Variants in POTEH observed in about 807,000 individuals in gnomAD.
The protein encoded by POTEH is ANKRD26-like family C member 3.
POTEH carries 6 observed loss-of-function variants against 41.7 expected under a neutral mutation model. That is an observed-to-expected ratio of 0.14 (90% CI 0.08 to 0.28). The LOEUF (loss-of-function observed/expected upper bound fraction) is 0.28. POTEH is among the 10% of genes least tolerant of loss of function. The pLI is 1.00. For synonymous variants in POTEH, 38 were observed against 179.9 expected, an observed-to-expected ratio of 0.21 and a Z score of 6.31; for missense variants, 115 against 533.5, an observed-to-expected ratio of 0.22 and a Z score of 7.73.
intron 1 of POTEH, among the ~76,000 whole-genome samples, chr22:15,692,300 T>C (rs1190760658): frequency 6.9e-6 from 1 of 145,710 alleles, no homozygotes; most frequent in Admixed American, 7.1e-5. Flanking sequence ...CCACCATGCC[T>C]GGCCTATATA....
chr22:15,697,380 TCTCA>T (rs1345055970), intron 3 of POTEH: 1 of 152,114 alleles, frequency 6.6e-6, no homozygotes, highest in East Asian at 3.4e-4. Context: ...TTAGATTGAG[TCTCA>T]CTCTGTTTCC....
Position 15,690,788 on chromosome 22 carries a change from G to A in POTEH, c.632+79G>A, listed in dbSNP as rs774356201. 8.8e-5 allele frequency: 122 copies of A among 1,385,918 alleles called. 5 individuals are homozygous for A. Among genetic ancestry groups the A allele is most frequent in the Non-Finnish European group, 1.2e-4 (119 of 1,001,450 alleles). The allele number at this position is 1,385,918 out of a possible 1,614,324, so 85.9% of individuals were successfully genotyped here. On this transcript the variant is annotated intron_variant, in intron 1 of 10. Coordinates refer to ENST00000343518, the MANE Select transcript of POTEH (RefSeq NM_001136213.1). The stretch of plus-strand genomic sequence containing the variant: ...ACCCTCCTGGCCGGGGAGGAGGGGA[G>A]CCTGGTTTTCTTGCCTCCACAGGCC...
At chr22:15,713,895 C>T (rs1811356980) in intron 9 of POTEH, among the ~76,000 whole-genome samples, 1 of 152,096 alleles carries the variant, frequency 6.6e-6, no homozygotes, top group African/African-American at 2.4e-5. Context: ...CTGTATCAGC[C>T]TGGCTACTTG....
intron 1 of POTEH, among the ~76,000 whole-genome samples, chr22:15,691,925 A>C (rs1989323490): frequency 6.8e-6 from 1 of 147,600 alleles, no homozygotes; most frequent in Admixed American, 7.0e-5. Context: ...AAAATTTTAA[A>C]TATACAAAAA....
intron 1 of POTEH, among the ~76,000 whole-genome samples, chr22:15,691,465 G>T (rs533284124): frequency 2.5e-5 from 3 of 120,762 alleles, no homozygotes; most frequent in Non-Finnish European, 5.5e-5. Flanking sequence ...GGCGGAGCTT[G>T]CAGTGAGCCG....
chr22:15,714,150 C>T (rs1454069855), intron 9 of POTEH, among the ~76,000 whole-genome samples: 70 of 150,144 alleles, frequency 4.7e-4, no homozygotes, highest in African/African-American at 1.5e-3. Flanking sequence ...CAGTAAATCT[C>T]GTCAGGTCTA....
chr22:15,691,985 C>A (rs201240366), intron 1 of POTEH, among the ~76,000 whole-genome samples: 1 of 124,432 alleles, frequency 8.0e-6, no homozygotes, highest in Non-Finnish European at 1.8e-5. Flanking sequence ...TATGCAGATA[C>A]ATATATATAT....
chr22:15,703,577 T>C (rs1180910690), intron 6 of POTEH, among the ~76,000 whole-genome samples: 1 of 140,288 alleles, frequency 7.1e-6, no homozygotes, highest in Non-Finnish European at 1.5e-5. Flanking sequence ...CAAAAGAGTG[T>C]CATAATAAAT....
chr22:15,708,513 CAAAA>C (rs1165699401), intron 7 of POTEH, among the ~76,000 whole-genome samples: 29 of 7,104 alleles, frequency 4.1e-3, no homozygotes, highest in African/African-American at 6.5e-3. Context: ...GACTCTGTGT[CAAAA>C]AAAAAAAAAA....
intron 9 of POTEH, among the ~76,000 whole-genome samples, chr22:15,714,661 T>C (rs1487399262): frequency 1.3e-5 from 2 of 150,570 alleles, no homozygotes; most frequent in South Asian, 2.1e-4. Context: ...AGAAAAAGGG[T>C]AAAAAGAAAC....
intron 1 of POTEH, among the ~76,000 whole-genome samples, chr22:15,691,944 T>G (rs1201066829): frequency 6.8e-6 from 1 of 146,066 alleles, no homozygotes; most frequent in African/African-American, 2.5e-5. Context: ...AAGAGAAACA[T>G]ACCAGAAGAA....
chr22:15,690,068 T>A lies in POTEH; in HGVS notation c.-10T>A. ...GGCTACTACCGGCCTTCCCTGGCTG[T>A]TAAAAGCAGATGGTGGCTGAGGCTG... On this transcript the variant is annotated 5_prime_UTR_variant, in exon 1 of 11. Coordinates refer to ENST00000343518, the MANE Select transcript of POTEH (RefSeq NM_001136213.1). The A allele has an allele frequency of 7.2e-7, 1 of 1,398,358 alleles. No individual in the cohort carries two copies. The highest frequency in any genetic ancestry group is 9.9e-7 in the Non-Finnish European group (1 of 1,008,202). 86.6% of individuals were successfully genotyped at this position (1,398,358 alleles called of 1,614,324 possible).
At chr22:15,698,056 G>GTT in intron 3 of POTEH, among the ~76,000 whole-genome samples, 1 of 150,052 alleles carries the variant, frequency 6.7e-6, no homozygotes, top group Non-Finnish European at 1.5e-5. Context: ...TAAGAATGCA[G>GTT]ATAGGAATTC....
At chr22:15,713,990 T>C (rs1181631467) in intron 9 of POTEH, among the ~76,000 whole-genome samples, 13 of 152,138 alleles carry the variant, frequency 8.5e-5, no homozygotes, top group South Asian at 2.1e-4. Flanking sequence ...AGATCCAAAA[T>C]TGGGCTACTG....
chr22:15,703,581 A>C (rs943352058), intron 6 of POTEH, among the ~76,000 whole-genome samples: 11 of 141,590 alleles, frequency 7.8e-5, no homozygotes, highest in Admixed American at 7.7e-4. Flanking sequence ...AGAGTGTCAT[A>C]ATAAATATGC....
chr22:15,702,144 T>C (rs1838995543), intron 5 of POTEH, among the ~76,000 whole-genome samples: 1 of 148,750 alleles, frequency 6.7e-6, no homozygotes, highest in African/African-American at 2.5e-5. Flanking sequence ...AACTACAACA[T>C]TTGCATATTA....
intron 3 of POTEH, among the ~76,000 whole-genome samples, chr22:15,696,810 C>T (rs1196377078): frequency 1.5e-5 from 2 of 132,524 alleles, no homozygotes; most frequent in Admixed American, 7.9e-5. Context: ...GGTCTCTCTC[C>T]TACTCTTTAC....
rs1989256429 is a variant in POTEH, at chr22:15,690,145, A to G, written c.68A>G (p.Lys23Arg). The G allele has an allele frequency of 7.1e-7, 1 of 1,400,538 alleles. No individual in the cohort carries two copies. The highest frequency in any genetic ancestry group is 1.2e-5 in the South Asian group (1 of 85,468). The allele number at this position is 1,400,538 out of a possible 1,614,324, so 86.8% of individuals were successfully genotyped here. ...AAGAAGCCATTTGGTCTCAGAAGCA[A>G]GATGGGCAAGTGGTGCCGCCACTGC... is the stretch of plus-strand genomic sequence containing the variant. ...SVKKPFGLRSKMGKWCRHCFA... is the reference protein window; with the variant it reads ...SVKKPFGLRSRMGKWCRHCFA... Residue 23 changes from lysine to arginine, a missense_variant, in exon 1 of 11, where the codon AAG becomes AGG. By Grantham distance (26) the Lys-to-Arg change is conservative. Transcript: ENST00000343518.
At chr22:15,691,051 A>G (rs549535394) in intron 1 of POTEH, among the ~76,000 whole-genome samples, 77 of 143,730 alleles carry the variant, frequency 5.4e-4, no homozygotes, top group African/African-American at 1.8e-3. Context: ...ATTGAGAACT[A>G]AGAATGAAGC....
Sources: allele counts gnomAD v4.1 joint callset (sites outside exome capture counted in the v4.1 genomes callset), GRCh38; gene constraint gnomAD v4.1.1; transcripts MANE v1.5; gene names NCBI Gene and HGNC (gene_info 2026-07-23, HGNC 2026-07-21).